DPH6: variants seen among roughly 807,000 people sequenced by gnomAD.
The protein encoded by DPH6 is diphthamine biosynthesis 6, also known as diphthine--ammonia ligase.
In DPH6, 33 loss-of-function variants were observed where a neutral mutation model predicts 38.2. The ratio of observed to expected loss-of-function variants is 0.86; its 90% CI spans 0.65 to 1.15. DPH6 has a LOEUF of 1.15. Among genes scored for constraint, DPH6 ranks in the 50% most tolerant of loss-of-function variants. The probability of loss-of-function intolerance (pLI) is 0.00; values close to 1 mark genes in which losing one functional copy is unlikely to be tolerated. For missense variants in DPH6, 325 were observed against 320.0 expected (o/e 1.02, Z -0.12); for synonymous variants, 108 against 103.0 (o/e 1.05, Z -0.30).
the DPH6 span, among the ~76,000 whole-genome samples, chr15:35,185,201 A>T: frequency 1.3e-5 from 2 of 152,212 alleles, no homozygotes; most frequent in South Asian, 4.1e-4. Context: ...GAATAATTTC[A>T]TCTGGGTTGC....
the DPH6 span, among the ~76,000 whole-genome samples, chr15:35,173,737 T>C: frequency 1.4e-4 from 22 of 152,218 alleles, no homozygotes; most frequent in African/African-American, 5.3e-4. Context: ...CTTTCAGCTC[T>C]CTCTTCTCTC....
At chr15:35,429,101 A>T (rs1409311326) in intron 5 of DPH6, among the ~76,000 whole-genome samples, 1 of 152,170 alleles carries the variant, frequency 6.6e-6, no homozygotes, top group Admixed American at 6.5e-5. Context: ...AAATTACTAC[A>T]GCCACAACCT....
At chr15:35,448,991 T>G (rs1192032380) in intron 5 of DPH6, among the ~76,000 whole-genome samples, 1 of 130,694 alleles carries the variant, frequency 7.7e-6, no homozygotes, top group African/African-American at 2.7e-5. Context: ...CTCATTTTTT[T>G]TTTTTTTGCT....
chr15:35,230,272 G>A (rs780257652), intron 3 of DPH6, among the ~76,000 whole-genome samples: 2 of 152,164 alleles, frequency 1.3e-5, no homozygotes, highest in Non-Finnish European at 2.9e-5. Flanking sequence ...CCTTTCCAAA[G>A]GCAGAGGAGC....
At chr15:35,182,965 A>G in the DPH6 span, among the ~76,000 whole-genome samples, 1 of 152,210 alleles carries the variant, frequency 6.6e-6, no homozygotes, top group Non-Finnish European at 1.5e-5. Context: ...AGATGGCACA[A>G]TGCAAAACAA....
intron 3 of DPH6, among the ~76,000 whole-genome samples, chr15:35,310,538 G>A (rs1184848037): frequency 6.6e-6 from 1 of 152,144 alleles, no homozygotes; most frequent in Non-Finnish European, 1.5e-5. Context: ...GGGTTAGGAT[G>A]TAGGTGGAAG....
At chr15:35,200,703 C>A in the DPH6 span, among the ~76,000 whole-genome samples, 1 of 151,420 alleles carries the variant, frequency 6.6e-6, no homozygotes, top group East Asian at 1.9e-4. Flanking sequence ...TTAAAAACAA[C>A]AACATCCATG....
chr15:35,416,625 TATA>T (rs1272595535), intron 5 of DPH6, among the ~76,000 whole-genome samples: 2 of 152,076 alleles, frequency 1.3e-5, no homozygotes, highest in Non-Finnish European at 2.9e-5. Context: ...TGTACTTGAT[TATA>T]ATAACTACAT....
intron 3 of DPH6, chr15:35,489,621 C>T: frequency 1.0e-6 from 1 of 982,242 alleles, no homozygotes; most frequent in Non-Finnish European, 1.2e-6. Context: ...TTAGAAAGTT[C>T]TCTGCAACAT....
intron 3 of DPH6, among the ~76,000 whole-genome samples, chr15:35,236,228 A>C (rs2051549961): frequency 6.6e-6 from 1 of 152,260 alleles, no homozygotes; most frequent in Non-Finnish European, 1.5e-5. Context: ...AGAAGCATCA[A>C]ACTGAATTTT....
intron 5 of DPH6, among the ~76,000 whole-genome samples, chr15:35,436,494 C>CAAACAAAAAAA (rs1566909220): frequency 1.1e-4 from 1 of 9,138 alleles, no homozygotes; most frequent in African/African-American, 2.4e-4. Flanking sequence ...CAAAACAAAA[C>CAAACAAAAAAA]AAAACAAAAC....
intron 6 of DPH6, among the ~76,000 whole-genome samples, chr15:35,392,904 C>T (rs2053079149): frequency 6.6e-6 from 1 of 152,144 alleles, no homozygotes; most frequent in South Asian, 2.1e-4. Flanking sequence ...TCCCAGAGCA[C>T]ATGATAGGTA....
chr15:35,188,893 G>T, the DPH6 span, among the ~76,000 whole-genome samples: 2 of 151,882 alleles, frequency 1.3e-5, no homozygotes, highest in Non-Finnish European at 2.9e-5. Flanking sequence ...AAAAATTCAT[G>T]ATTTCTGTTC....
At chr15:35,145,411 A>G in the DPH6 span, among the ~76,000 whole-genome samples, 2 of 152,216 alleles carry the variant, frequency 1.3e-5, no homozygotes, top group South Asian at 2.1e-4. Context: ...GGGAAGACCA[A>G]TGACTGACAA....
intron 5 of DPH6, among the ~76,000 whole-genome samples, chr15:35,425,810 C>CATATATATATATAT (rs71741742): frequency 5.6e-5 from 8 of 142,026 alleles, no homozygotes; most frequent in African/African-American, 2.1e-4. Context: ...TATGACATGA[C>CATATATATATATAT]ATATATATAT....
chr15:35,465,586 C>T (rs1333682044), intron 3 of DPH6, among the ~76,000 whole-genome samples: 1 of 152,104 alleles, frequency 6.6e-6, no homozygotes, highest in African/African-American at 2.4e-5. Context: ...CTGAAAGTGA[C>T]ACTTAGAATT....
At chr15:35,352,177 ATAC>A (rs1314053469) in intron 3 of DPH6, among the ~76,000 whole-genome samples, 2 of 152,148 alleles carry the variant, frequency 1.3e-5, no homozygotes, top group East Asian at 3.8e-4. Context: ...TTTAGCTTTC[ATAC>A]TACAATTTAT....
chr15:35,170,290 T>C, the DPH6 span, among the ~76,000 whole-genome samples: 1 of 152,222 alleles, frequency 6.6e-6, no homozygotes, highest in African/African-American at 2.4e-5. Flanking sequence ...ATGTGTCTCT[T>C]GGTTCAGAAC....
At chr15:35,198,644 G>A in the DPH6 span, among the ~76,000 whole-genome samples, 5 of 152,126 alleles carry the variant, frequency 3.3e-5, no homozygotes, top group Non-Finnish European at 5.9e-5. Flanking sequence ...GAACAAATAT[G>A]AAATGTACTA....
Sources: gnomAD v4.1 joint callset for allele counts (sites outside exome capture counted in the v4.1 genomes callset) on GRCh38, gnomAD v4.1.1 for gene constraint, MANE v1.5 for transcripts, NCBI Gene and HGNC (gene_info 2026-07-23, HGNC 2026-07-21) for gene names.